PREP: variants seen among roughly 807,000 people sequenced by gnomAD.
The protein encoded by PREP is dJ355L5.1 (prolyl endopeptidase).
In PREP, 29 loss-of-function variants were observed where a neutral mutation model predicts 87.6. The ratio of observed to expected loss-of-function variants is 0.33; its 90% CI spans 0.25 to 0.45. The LOEUF is 0.45. Ranked by LOEUF, PREP falls within the 20% of genes least tolerant of loss-of-function variation. The probability of loss-of-function intolerance (pLI) is 1.00; values close to 1 mark genes in which losing one functional copy is unlikely to be tolerated. For synonymous variants in PREP, 337 were observed against 328.6 expected (o/e 1.03, Z -0.28); for missense variants, 695 against 886.5 (o/e 0.78, Z 2.74).
intron 2 of PREP, among the ~76,000 whole-genome samples, chr6:105,385,816 G>T (rs1164259083): frequency 6.6e-6 from 1 of 152,100 alleles, no homozygotes; most frequent in African/African-American, 2.4e-5. Flanking sequence ...GAAAAATGAG[G>T]CTAAAAAACA....
At chr6:105,391,227 A>C (rs1456675928) in intron 2 of PREP, among the ~76,000 whole-genome samples, 1 of 151,838 alleles carries the variant, frequency 6.6e-6, no homozygotes, top group African/African-American at 2.4e-5. Context: ...CTAAAAATAC[A>C]AAAAATTAGC....
rs1769909151 is a variant in PREP, at chr6:105,275,171, C to T, written c.*2973G>A. On this transcript the variant is annotated 3_prime_UTR_variant, in exon 15 of 15. Coordinates refer to ENST00000652536, the MANE Select transcript of PREP (RefSeq NM_002726.5). Reference sequence around the variant, plus strand: ...CCACAGCTTTCCAGCCTGTCCTTAACCTGCCTTTGAGTCTTTGCAACTCCT... The same window carrying T: ...CCACAGCTTTCCAGCCTGTCCTTAATCTGCCTTTGAGTCTTTGCAACTCCT... Among the ~76,000 whole-genome samples the T allele has an allele frequency of 6.6e-6, 1 of 152,204 alleles. No individual in the cohort carries two copies. Among genetic ancestry groups the T allele is most frequent in the South Asian group, 2.1e-4 (1 of 4,828 alleles).
chr6:105,348,293 T>C (rs1392557446), intron 7 of PREP, among the ~76,000 whole-genome samples: 1 of 152,120 alleles, frequency 6.6e-6, no homozygotes, highest in African/African-American at 2.4e-5. Context: ...AGATTCAAAA[T>C]GCTCAGAAGG....
rs1396842539 is a variant in PREP at position 105,326,341 on chromosome 6, C to T, written c.1213+2488G>A. On this transcript the variant is annotated intron_variant, in intron 9 of 14. Transcript: ENST00000652536. Reference sequence around the variant, plus strand: ...CGGTTCAACCACTAAGTGGTTTGAACCACAGAGAATAAGTGCACTGTGCTC... The same window carrying T: ...CGGTTCAACCACTAAGTGGTTTGAATCACAGAGAATAAGTGCACTGTGCTC... 2.0e-5 allele frequency among the ~76,000 whole-genome samples: 3 copies of T among 152,152 alleles called. No homozygotes were observed. The East Asian group carries it at 5.8e-4, about 29-fold the overall frequency.
In PREP at chr6:105,281,919, G is replaced by A. The variant is rs557087256; in HGVS notation, c.1682-17C>T. On this transcript the variant is annotated splice_polypyrimidine_tract_variant and intron_variant, in intron 13 of 14. Transcript: ENST00000652536. ...CACAAGCAGCTAAAAGCCCAACGTA[G>A]AAAGAAAAGGGAGGCAGTCTATCAT... is the stretch of plus-strand genomic sequence containing the variant. The A allele has an allele frequency of 6.3e-5, 101 of 1,610,888 alleles. 1 individual carries two copies. In the South Asian group the frequency reaches 1.1e-3, roughly 18 times the overall value.
intron 7 of PREP, among the ~76,000 whole-genome samples, chr6:105,339,401 A>G (rs1562206310): frequency 6.6e-6 from 1 of 150,752 alleles, no homozygotes. Flanking sequence ...TCAAAGACAA[A>G]AGGTAGATAA....
chr6:105,397,157 C>A (rs1773307163), intron 2 of PREP, among the ~76,000 whole-genome samples: 1 of 142,042 alleles, frequency 7.0e-6, no homozygotes, highest in African/African-American at 2.8e-5. Flanking sequence ...TGCCCTACAG[C>A]CTGGGTGACA....
chr6:105,283,344 A>G (rs1039283200), intron 12 of PREP, among the ~76,000 whole-genome samples: 5 of 152,254 alleles, frequency 3.3e-5, no homozygotes, highest in South Asian at 2.1e-4. Context: ...TGAAATATCT[A>G]TAAGTAAAGG....
At chr6:105,305,852 T>C (rs1770642940) in intron 10 of PREP, among the ~76,000 whole-genome samples, 1 of 148,118 alleles carries the variant, frequency 6.8e-6, no homozygotes, top group African/African-American at 2.6e-5. Context: ...TTCTTTTTTT[T>C]TTGGGGGGGA....
At position 105,278,181 on chromosome 6, in the gene PREP, A is replaced by T; in HGVS notation, c.2096T>A (p.Phe699Tyr). 1.2e-6 allele frequency: 2 copies of T among 1,613,626 alleles called. No homozygotes were observed. Among genetic ancestry groups the T allele is most frequent in the Non-Finnish European group, 1.7e-6 (2 of 1,179,610 alleles). The change falls in exon 15 of 15, where the codon TTC becomes TAC. Residue 699 changes from phenylalanine (F) to tyrosine (Y), a missense_variant. Transcript: ENST00000652536. This position sits in a 1 kb window ranked among gnomAD's most constrained non-coding sequence, Gnocchi z 4.2. ...VIEEVSDMFA[F>Y]IARCLNVDWI... ...GTCGACGTTCAGGCACCGCGCGATG[A>T]ACGCAAACATGTCTGAGACTTCCTC...
chr6:105,315,154 TTTTG>T (rs1042498616), intron 10 of PREP, among the ~76,000 whole-genome samples: 1 of 152,132 alleles, frequency 6.6e-6, no homozygotes, highest in African/African-American at 2.4e-5. Context: ...ACAATTCTTT[TTTTG>T]TTTGTTTTTT....
intron 2 of PREP, among the ~76,000 whole-genome samples, chr6:105,379,233 A>T (rs369987847): frequency 7.9e-5 from 12 of 152,354 alleles, no homozygotes; most frequent in South Asian, 4.1e-4. Flanking sequence ...TCTGGAGATC[A>T]GAATGGTTTT....
intron 10 of PREP, chr6:105,302,854 C>T (rs1278828962): frequency 8.6e-5 from 29 of 338,118 alleles, no homozygotes; most frequent in South Asian, 6.2e-4. Flanking sequence ...CCGCCTGCTC[C>T]GAGGGCTAAA....
intron 10 of PREP, among the ~76,000 whole-genome samples, chr6:105,322,041 C>G (rs578198545): frequency 6.6e-6 from 1 of 151,940 alleles, no homozygotes; most frequent in Admixed American, 6.6e-5. Context: ...CTGAGAAAAC[C>G]AAATGTCACA....
chr6:105,278,968 G>A lies in PREP; in HGVS notation c.1839-530C>T, dbSNP rs1274493959. 6.6e-5 allele frequency: 10 copies of A among 152,242 alleles called. No individual in the cohort carries two copies. Among genetic ancestry groups the A allele is most frequent in the African/African-American group, 2.2e-4 (9 of 41,432 alleles). 9.4% of individuals were successfully genotyped at this position (152,242 alleles called of 1,614,324 possible). Reference sequence around the variant, plus strand: ...TCTGGGCCTAGTTTCTTTGTAAACCGAGAAACCTGGATGGGCTGTTGAGCC... The same window carrying A: ...TCTGGGCCTAGTTTCTTTGTAAACCAAGAAACCTGGATGGGCTGTTGAGCC... On this transcript the variant is annotated intron_variant, in intron 14 of 14. Transcript: ENST00000652536. This position sits in a 1 kb window ranked among gnomAD's most constrained non-coding sequence, Gnocchi z 4.2.
intron 10 of PREP, among the ~76,000 whole-genome samples, chr6:105,308,026 T>C (rs968956283): frequency 1.2e-4 from 19 of 152,164 alleles, no homozygotes; most frequent in Non-Finnish European, 2.1e-4. Context: ...TTGGTCTCTT[T>C]ATGGGGCACG....
chr6:105,297,851 C>CA (rs1770441930), intron 10 of PREP, among the ~76,000 whole-genome samples: 1 of 152,174 alleles, frequency 6.6e-6, no homozygotes, highest in Non-Finnish European at 1.5e-5. Context: ...TAACAGACTA[C>CA]AAGCACCACC....
chr6:105,356,310 C>G (rs1772099436), intron 6 of PREP, among the ~76,000 whole-genome samples: 1 of 152,132 alleles, frequency 6.6e-6, no homozygotes, highest in African/African-American at 2.4e-5. Flanking sequence ...AAGTGAATAC[C>G]CTGGGTGTTC....
intron 7 of PREP, among the ~76,000 whole-genome samples, chr6:105,352,442 C>T (rs1216976382): frequency 6.6e-6 from 1 of 152,182 alleles, no homozygotes; most frequent in East Asian, 1.9e-4. Flanking sequence ...CTGAGGGCCA[C>T]TCTACTGATT....
Sources: allele counts gnomAD v4.1 joint callset (sites outside exome capture counted in the v4.1 genomes callset), GRCh38; gene constraint gnomAD v4.1.1; non-coding constraint Gnocchi (gnomAD v3.1); transcripts MANE v1.5; gene names NCBI Gene and HGNC (gene_info 2026-07-23, HGNC 2026-07-21).